The following GPC5 variants were observed in gnomAD, a reference collection of about 807,000 sequenced individuals.
GPC5 encodes the protein glypican-5.
In GPC5, 47 loss-of-function variants were observed where a neutral mutation model predicts 53.9. The observed-to-expected ratio is 0.87, with a 90% CI of 0.69 to 1.11. The LOEUF (loss-of-function observed/expected upper bound fraction) is 1.11, where lower values mean the gene tolerates loss of function less well. Among genes scored for constraint, GPC5 ranks in the 50% most tolerant of loss-of-function variants. GPC5 has a pLI of 0.00. For missense variants in GPC5, 748 were observed against 713.1 expected (o/e 1.05, Z -0.56); for synonymous variants, 286 against 263.3 (o/e 1.09, Z -0.84).
Position 92,159,437 on chromosome 13 carries a change from G to C in GPC5, c.1561+14448G>C, listed in dbSNP as rs144386052. On this transcript the variant is annotated intron_variant, in intron 7 of 7. Coordinates refer to ENST00000377067, the MANE Select transcript of GPC5 (RefSeq NM_004466.6). ...TCTGAGCGCCAGCAATTTGGGGCGGGGACTCAGGTATGAGCATCACCTTGG... is the reference window on the plus strand; with the variant it reads ...TCTGAGCGCCAGCAATTTGGGGCGGCGACTCAGGTATGAGCATCACCTTGG... Among the ~76,000 whole-genome samples, 610 of 152,092 alleles carry C rather than the reference G, an allele frequency of 4.0e-3. 6 individuals are homozygous for C. The highest frequency in any genetic ancestry group is 0.013 in the African/African-American group (558 of 41,508).
intron 7 of GPC5, among the ~76,000 whole-genome samples, chr13:92,172,262 C>A (rs1326956216): frequency 2.0e-5 from 3 of 151,916 alleles, no homozygotes; most frequent in African/African-American, 7.3e-5. Flanking sequence ...GTAGTGGGGT[C>A]AAGTTGGGTT....
At chr13:92,158,356 C>G (rs2041960519) in intron 7 of GPC5, among the ~76,000 whole-genome samples, 1 of 151,648 alleles carries the variant, frequency 6.6e-6, no homozygotes, top group African/African-American at 2.4e-5. Context: ...ACTGAAAAAT[C>G]TACAAAGGAA....
chr13:92,174,001 A>T (rs771634059), intron 7 of GPC5, among the ~76,000 whole-genome samples: 1 of 152,048 alleles, frequency 6.6e-6, no homozygotes, highest in Non-Finnish European at 1.5e-5. Flanking sequence ...GCTACTGAGG[A>T]AGTTGAGGTG....
chr13:92,295,831 C>T (rs191870110), intron 7 of GPC5, among the ~76,000 whole-genome samples: 1 of 152,222 alleles, frequency 6.6e-6, no homozygotes. Context: ...ACCCCCTTTA[C>T]CTTAAGTTTG....
intron 2 of GPC5, among the ~76,000 whole-genome samples, chr13:91,477,252 G>C (rs1882986268): frequency 6.6e-6 from 1 of 152,084 alleles, no homozygotes; most frequent in African/African-American, 2.4e-5. Flanking sequence ...CTGGACTATA[G>C]CAGTGGCAGG....
intron 2 of GPC5, among the ~76,000 whole-genome samples, chr13:91,484,909 C>G (rs540202938): frequency 6.6e-6 from 1 of 152,334 alleles, no homozygotes; most frequent in Admixed American, 6.5e-5. Context: ...TGCAGAAACT[C>G]TTTTGAGAAA....
chr13:91,696,652 T>G (rs1419635798), intron 3 of GPC5, among the ~76,000 whole-genome samples: 1 of 152,216 alleles, frequency 6.6e-6, no homozygotes, highest in African/African-American at 2.4e-5. Context: ...ATTTTCACTT[T>G]AAAATATCTG....
chr13:92,629,756 G>A (rs917612644), intron 7 of GPC5, among the ~76,000 whole-genome samples: 6 of 151,990 alleles, frequency 3.9e-5, no homozygotes, highest in African/African-American at 1.4e-4. Flanking sequence ...ACAGATGTTT[G>A]GGGAAACAAA....
At chr13:92,593,959 A>AT (rs35134893) in intron 7 of GPC5, among the ~76,000 whole-genome samples, 1 of 152,176 alleles carries the variant, frequency 6.6e-6, no homozygotes, top group African/African-American at 2.4e-5. Flanking sequence ...ATGTAATGGA[A>AT]TTTTTTTAAA....
At chr13:92,492,104 C>T (rs1594247093) in intron 7 of GPC5, among the ~76,000 whole-genome samples, 1 of 151,954 alleles carries the variant, frequency 6.6e-6, no homozygotes, top group Non-Finnish European at 1.5e-5. Flanking sequence ...CATTCTTGTG[C>T]AACAATACAT....
intron 6 of GPC5, among the ~76,000 whole-genome samples, chr13:91,968,739 G>A (rs1014977929): frequency 3.3e-5 from 5 of 152,124 alleles, no homozygotes; most frequent in African/African-American, 7.2e-5. Flanking sequence ...TGGGATTACA[G>A]GCGTGAGCCA....
At chr13:92,853,460 C>G (rs1260529629) in intron 7 of GPC5, among the ~76,000 whole-genome samples, 2 of 152,156 alleles carry the variant, frequency 1.3e-5, no homozygotes, top group Non-Finnish European at 2.9e-5. Context: ...TCCAAAGTTT[C>G]AGGCATCTAC....
At chr13:92,583,646 T>A (rs1211098783) in intron 7 of GPC5, among the ~76,000 whole-genome samples, 1 of 152,144 alleles carries the variant, frequency 6.6e-6, no homozygotes, top group Non-Finnish European at 1.5e-5. Flanking sequence ...CTTGTGCCTG[T>A]GAAGCACACA....
chr13:92,169,897 C>T (rs1260350473), intron 7 of GPC5, among the ~76,000 whole-genome samples: 1 of 151,902 alleles, frequency 6.6e-6, no homozygotes, highest in African/African-American at 2.4e-5. Context: ...GTGTGTTGTT[C>T]AGCATTTTAG....
intron 2 of GPC5, among the ~76,000 whole-genome samples, chr13:91,671,565 A>G (rs1010491467): frequency 3.3e-5 from 5 of 151,994 alleles, no homozygotes; most frequent in African/African-American, 1.2e-4. Context: ...ACCACTGCTC[A>G]AGGAAATAAG....
At chr13:92,418,885 C>T (rs758214452) in intron 7 of GPC5, among the ~76,000 whole-genome samples, 16 of 152,114 alleles carry the variant, frequency 1.1e-4, no homozygotes, top group Non-Finnish European at 2.1e-4. Flanking sequence ...TACTTTTGCC[C>T]GAAGAAAGTA....
At chr13:91,743,602 G>T (rs1169590776) in intron 4 of GPC5, among the ~76,000 whole-genome samples, 1 of 152,142 alleles carries the variant, frequency 6.6e-6, no homozygotes, top group Non-Finnish European at 1.5e-5. Context: ...ACTCATATTT[G>T]TATCCAATGG....
intron 2 of GPC5, among the ~76,000 whole-genome samples, chr13:91,567,808 C>T (rs1045371346): frequency 4.6e-5 from 7 of 152,100 alleles, no homozygotes; most frequent in Admixed American, 2.0e-4. Context: ...TTCTTTTGTT[C>T]GGTTATAGGT....
intron 7 of GPC5, among the ~76,000 whole-genome samples, chr13:92,613,250 T>A (rs1188993452): frequency 3.1e-5 from 4 of 128,250 alleles, no homozygotes; most frequent in Non-Finnish European, 6.3e-5. Context: ...TATATATAAT[T>A]TATATATAAT....
Sources: allele counts gnomAD v4.1 joint callset (sites outside exome capture counted in the v4.1 genomes callset), GRCh38; gene constraint gnomAD v4.1.1; transcripts MANE v1.5; gene names NCBI Gene and HGNC (gene_info 2026-07-23, HGNC 2026-07-21).